The following ACVR2A variants were observed in gnomAD, a reference collection of about 807,000 sequenced individuals.
ACVR2A encodes activin receptor type-2A.
Under a neutral mutation model 61.4 loss-of-function variants are expected in ACVR2A, and 7 were observed. The observed-to-expected ratio is 0.11, with a 90% confidence interval of 0.06 to 0.21. ACVR2A has a LOEUF of 0.21. Among genes scored for constraint, ACVR2A ranks in the 10% least tolerant of loss-of-function variants. ACVR2A has a pLI of 1.00. For synonymous variants in ACVR2A, 193 were observed against 208.3 expected (o/e 0.93, Z 0.63); for missense variants, 322 against 621.7 (o/e 0.52, Z 5.13).
At chr2:147,848,863 A>T (rs1033688767) in intron 1 of ACVR2A, among the ~76,000 whole-genome samples, 5 of 152,150 alleles carry the variant, frequency 3.3e-5, no homozygotes. Context: ...TTTTAAAAGC[A>T]GTAGTTTATT....
At chr2:147,872,005 C>G (rs970227590) in intron 1 of ACVR2A, among the ~76,000 whole-genome samples, 1 of 151,998 alleles carries the variant, frequency 6.6e-6, no homozygotes, top group Non-Finnish European at 1.5e-5. Flanking sequence ...ATTGCTTGTT[C>G]TCTGATGCAA....
chr2:147,851,239 A>G (rs1258026969), intron 1 of ACVR2A, among the ~76,000 whole-genome samples: 2 of 152,068 alleles, frequency 1.3e-5, no homozygotes, highest in Non-Finnish European at 2.9e-5. Flanking sequence ...AAGGTCCTTC[A>G]TCGTTTGGTT....
chr2:147,854,253 T>G (rs1685516022), intron 1 of ACVR2A, among the ~76,000 whole-genome samples: 1 of 152,222 alleles, frequency 6.6e-6, no homozygotes, highest in Non-Finnish European at 1.5e-5. Flanking sequence ...CAAAGAGTTC[T>G]TTAAGGTCTC....
chr2:147,861,426 T>C (rs1685725735), intron 1 of ACVR2A, among the ~76,000 whole-genome samples: 1 of 152,202 alleles, frequency 6.6e-6, no homozygotes, highest in Admixed American at 6.5e-5. Flanking sequence ...AGTTTATTGG[T>C]ATAGTTTTAT....
intron 1 of ACVR2A, among the ~76,000 whole-genome samples, chr2:147,863,584 C>T (rs914283790): frequency 2.0e-5 from 3 of 151,844 alleles, no homozygotes; most frequent in East Asian, 3.8e-4. Flanking sequence ...TGTATTCTTA[C>T]AATAAGGAAG....
chr2:147,859,490 A>C (rs1685671791), intron 1 of ACVR2A, among the ~76,000 whole-genome samples: 1 of 126,638 alleles, frequency 7.9e-6, no homozygotes, highest in African/African-American at 3.0e-5. Context: ...CACCACAGAC[A>C]AAAAAAAAAA....
intron 6 of ACVR2A, 75 bp downstream of exon 6, chr2:147,917,501 A>C (rs984418323): frequency 6.7e-7 from 1 of 1,491,796 alleles, no homozygotes; most frequent in African/African-American, 1.4e-5. Flanking sequence ...TAAATCCCTC[A>C]GAGTTATTTT....
rs1687523368 is a variant in ACVR2A, at chr2:147,927,092, C to T, written c.1360C>T (p.Leu454Phe). ...TTTCTCCTTTTAGGGAATGGCAATG[C>T]TCTGTGAAACCATTGAAGAATGTTG... ...YWQKHAGMAM[L>F]CETIEECWDH... Residue 454 changes from leucine to phenylalanine, a missense_variant, in exon 11 of 11, where the codon CTC (leucine) becomes TTC (phenylalanine). Coordinates refer to ENST00000241416, the MANE Select transcript of ACVR2A (RefSeq NM_001616.5). 6.2e-7 allele frequency: 1 copy of T among 1,611,448 alleles called. No individual in the cohort carries two copies. Among genetic ancestry groups the T allele is most frequent in the Non-Finnish European group, 8.5e-7 (1 of 1,178,432 alleles).
At chr2:147,926,251 C>T in intron 10 of ACVR2A, 90 bp downstream of exon 10, 1 of 1,475,168 alleles carries the variant, frequency 6.8e-7, no homozygotes, top group East Asian at 2.3e-5. Context: ...CTTTCTTCTG[C>T]AAGTATTTTC....
rs1687591203 is a variant in ACVR2A, at chr2:147,929,170, A to C, written c.*1896A>C. 1 of 152,208 alleles carries C rather than the reference A, an allele frequency of 6.6e-6. No individual in the cohort carries two copies. Among genetic ancestry groups the C allele is most frequent in the Non-Finnish European group, 1.5e-5 (1 of 67,954 alleles). 9.4% of individuals were successfully genotyped at this position (152,208 alleles called of 1,614,324 possible). ...CACGTGTGTCCCCATGGTCTCATTCATTGTATTCCTAGCAATTCCCTTTTC... is the reference window on the plus strand; with the variant it reads ...CACGTGTGTCCCCATGGTCTCATTCCTTGTATTCCTAGCAATTCCCTTTTC... On this transcript the variant is annotated 3_prime_UTR_variant, in exon 11 of 11. Coordinates refer to ENST00000241416, the MANE Select transcript of ACVR2A (RefSeq NM_001616.5).
intron 1 of ACVR2A, among the ~76,000 whole-genome samples, chr2:147,845,926 A>G (rs1685300396): frequency 6.6e-6 from 1 of 152,172 alleles, no homozygotes; most frequent in Non-Finnish European, 1.5e-5. Flanking sequence ...AACGCTTTGT[A>G]TTGAAGCATT....
intron 6 of ACVR2A, 50 bp downstream of exon 6, chr2:147,917,476 A>G: frequency 6.3e-7 from 1 of 1,587,478 alleles, no homozygotes; most frequent in Non-Finnish European, 8.6e-7. Flanking sequence ...TGGCCTGCCT[A>G]CCTAATGCTG....
intron 1 of ACVR2A, among the ~76,000 whole-genome samples, chr2:147,892,418 G>C (rs1686610760): frequency 6.7e-6 from 1 of 149,388 alleles, no homozygotes. Context: ...CTCTGTGCTA[G>C]TATATTGTAG....
chr2:147,905,397 G>T (rs979899562), intron 4 of ACVR2A, among the ~76,000 whole-genome samples: 2 of 151,614 alleles, frequency 1.3e-5, no homozygotes, highest in African/African-American at 4.8e-5. Context: ...TAAAAATTTT[G>T]TATATTTAAG....
intron 1 of ACVR2A, among the ~76,000 whole-genome samples, chr2:147,860,459 T>C (rs1220944471): frequency 6.6e-6 from 1 of 152,148 alleles, no homozygotes; most frequent in African/African-American, 2.4e-5. Flanking sequence ...AATAGTTCTT[T>C]TTAAAGTTAT....
In ACVR2A at chr2:147,917,551, T is replaced by C. The variant is rs928061388; in HGVS notation, c.816+125T>C. 17 of 1,069,674 alleles carry C rather than the reference T, an allele frequency of 1.6e-5. No homozygotes were observed. The Admixed American group carries it at 2.9e-4, about 18-fold the overall frequency. 66.3% of individuals were successfully genotyped at this position (1,069,674 alleles called of 1,614,324 possible). On this transcript the variant is annotated intron_variant, in intron 6 of 10. Coordinates refer to ENST00000241416, the MANE Select transcript of ACVR2A (RefSeq NM_001616.5). ...AGTTGATTAATATTTAACCTGAAAA[T>C]AAAAATCATTCTTGAATAAAAATGT...
intron 4 of ACVR2A, among the ~76,000 whole-genome samples, chr2:147,912,205 G>T (rs3768689): frequency 6.6e-6 from 1 of 151,660 alleles, no homozygotes; most frequent in East Asian, 1.9e-4. Flanking sequence ...TAGTGGTTTG[G>T]GGGCAGGAGA....
chr2:147,845,308 T>TG, intron 1 of ACVR2A, 101 bp downstream of exon 1: 3 of 880,038 alleles, frequency 3.4e-6, no homozygotes, highest in Non-Finnish European at 4.7e-6. Context: ...CAGTGGAGCC[T>TG]GGGGAGGTTG....
At chr2:147,857,549 A>C (rs1426407604) in intron 1 of ACVR2A, among the ~76,000 whole-genome samples, 4 of 151,682 alleles carry the variant, frequency 2.6e-5, no homozygotes, top group South Asian at 4.2e-4. Flanking sequence ...AAAAAAAAAA[A>C]AACAAAAAAA....
Sources: allele counts gnomAD v4.1 joint callset (sites outside exome capture counted in the v4.1 genomes callset), GRCh38; gene constraint gnomAD v4.1.1; transcripts MANE v1.5; gene names NCBI Gene and HGNC (gene_info 2026-07-23, HGNC 2026-07-21).